The following DMGDH variants were observed in gnomAD, a reference collection of about 807,000 sequenced individuals.
DMGDH encodes dimethylglycine dehydrogenase.
In DMGDH, 76 loss-of-function variants were observed where a neutral mutation model predicts 95.2. The observed-to-expected ratio is 0.80, with a 90% CI of 0.66 to 0.97. The LOEUF (loss-of-function observed/expected upper bound fraction) is 0.97. DMGDH is among the 50% of genes least tolerant of loss of function. The pLI, the probability that DMGDH is intolerant of heterozygous loss-of-function variation, is 0.00. For synonymous variants in DMGDH, 345 were observed against 377.6 expected (o/e 0.91, Z 1.00); for missense variants, 987 against 1,055.0 (o/e 0.94, Z 0.89).
intron 6 of DMGDH, among the ~76,000 whole-genome samples, 138 bp downstream of exon 6, chr5:79,044,150 GAACAGAGCTCACCTCA>G: frequency 2.0e-5 from 3 of 152,324 alleles, no homozygotes; most frequent in Admixed American, 2.0e-4. Flanking sequence ...AGGGATACGA[GAACAGAGCTCACCTCA>G]AACCTGTCAC....
intron 4 of DMGDH, among the ~76,000 whole-genome samples, chr5:79,053,962 C>T (rs2086895575): frequency 6.6e-6 from 1 of 152,092 alleles, no homozygotes. Flanking sequence ...AATCAATTGT[C>T]AAAGGTGAAA....
Position 79,024,338 on chromosome 5 carries a change from G to T in DMGDH, c.2191-8C>A. ...ATTTGTATCACAGTTCATCTAAAAA[G>T]GAAACACACATTTTAAATCTTAGAT... is the stretch of plus-strand genomic sequence containing the variant. On this transcript the variant is annotated splice_polypyrimidine_tract_variant and splice_region_variant and intron_variant, in intron 13 of 15. Transcript: ENST00000255189. 6.2e-7 allele frequency: 1 copy of T among 1,612,742 alleles called. No individual in the cohort carries two copies. The highest frequency in any genetic ancestry group is 8.5e-7 in the Non-Finnish European group (1 of 1,178,982).
rs370377258 is a variant in DMGDH at position 79,038,068 on chromosome 5, A to T, written c.1193+4215T>A. On this transcript the variant is annotated intron_variant, in intron 7 of 15. Transcript: ENST00000255189. ...CTGGCTTCTTTGCATAAATTGACAA[A>T]CTAGTCCTAAAATTTATGGGACTTC... 3.9e-5 allele frequency among the ~76,000 whole-genome samples: 6 copies of T among 152,178 alleles called. No homozygotes were observed. The East Asian group carries it at 1.2e-3, about 29-fold the overall frequency.
chr5:79,020,644 T>C (rs1364129230), intron 14 of DMGDH: 2 of 964,864 alleles, frequency 2.1e-6, no homozygotes, highest in Non-Finnish European at 2.5e-6. Flanking sequence ...CTGCATTTTC[T>C]AGAATCAACA....
At chr5:79,056,998 G>A (rs1043546054) in intron 2 of DMGDH, among the ~76,000 whole-genome samples, 2 of 152,158 alleles carry the variant, frequency 1.3e-5, no homozygotes, top group African/African-American at 4.8e-5. Flanking sequence ...CTCTTAAATG[G>A]AGCAGCCCTC....
chr5:79,011,118 A>G (rs1753641941), intron 14 of DMGDH, among the ~76,000 whole-genome samples: 1 of 152,184 alleles, frequency 6.6e-6, no homozygotes, highest in East Asian at 1.9e-4. Flanking sequence ...GGAAACTTAT[A>G]ATAAAGCCAT....
rs757072578 is a variant in DMGDH, at chr5:79,032,870, A to G, written c.1364-30T>C. 3 of 1,613,130 alleles carry G rather than the reference A, an allele frequency of 1.9e-6. No homozygotes were observed. The East Asian group carries it at 6.7e-5, about 36-fold the overall frequency. On this transcript the variant is annotated intron_variant, in intron 8 of 15. Transcript: ENST00000255189. ...AAAGGAAAAATTGGTACTTTAAATC[A>G]CATATAGCCAAAACAACAAGATACT...
At chr5:79,032,619 G>A (rs1754211007) in intron 9 of DMGDH, 68 bp downstream of exon 9, 3 of 1,600,266 alleles carry the variant, frequency 1.9e-6, no homozygotes, top group Non-Finnish European at 2.6e-6. Flanking sequence ...GGCAGAATCA[G>A]CGCTTTTTGC....
chr5:79,032,416 G>A (rs1580202757), intron 9 of DMGDH, among the ~76,000 whole-genome samples: 1 of 152,208 alleles, frequency 6.6e-6, no homozygotes, highest in Admixed American at 6.5e-5. Context: ...GAGGGCGGTC[G>A]CAAGTTTCTT....
At chr5:79,003,083 G>A (rs1464681149) in intron 15 of DMGDH, among the ~76,000 whole-genome samples, 1 of 152,144 alleles carries the variant, frequency 6.6e-6, no homozygotes, top group African/African-American at 2.4e-5. Flanking sequence ...TGGATGACGT[G>A]GGAATACAGA....
In DMGDH at chr5:79,054,169, C is replaced by G; in HGVS notation, c.540+15G>C. ...TTAAGTCAACAAATGGTAAAAATGC[C>G]CTTAAGATAAATACCTTATTCATGT... On this transcript the variant is annotated intron_variant, in intron 4 of 15. Transcript: ENST00000255189. The G allele has an allele frequency of 6.2e-7, 1 of 1,612,720 alleles. No homozygotes were observed. The highest frequency in any genetic ancestry group is 1.1e-5 in the South Asian group (1 of 90,888).
At chr5:79,049,982 C>T (rs1754789054) in intron 5 of DMGDH, among the ~76,000 whole-genome samples, 1 of 151,936 alleles carries the variant, frequency 6.6e-6, no homozygotes, top group Non-Finnish European at 1.5e-5. Flanking sequence ...ATCGGCTGGA[C>T]GCAGTGGCGC....
intron 7 of DMGDH, among the ~76,000 whole-genome samples, chr5:79,034,706 T>C (rs972958184): frequency 3.3e-5 from 5 of 152,184 alleles, no homozygotes; most frequent in African/African-American, 1.2e-4. Flanking sequence ...TTAACTAACT[T>C]TTCCCACAAC....
chr5:79,044,603 C>T, intron 5 of DMGDH, 51 bp from the exon 6 acceptor site: 1 of 1,599,480 alleles, frequency 6.3e-7, no homozygotes, highest in African/African-American at 1.3e-5. Flanking sequence ...AAACACATAA[C>T]TGACACTCAT....
intron 1 of DMGDH, among the ~76,000 whole-genome samples, chr5:79,064,606 T>C (rs895414625): frequency 6.6e-6 from 1 of 152,088 alleles, no homozygotes; most frequent in Non-Finnish European, 1.5e-5. Context: ...TTCATTATTT[T>C]ATAAACTTTT....
intron 6 of DMGDH, 24 bp downstream of exon 6, chr5:79,044,280 C>T (rs1271321490): frequency 6.2e-7 from 1 of 1,614,098 alleles, no homozygotes; most frequent in Non-Finnish European, 8.5e-7. Flanking sequence ...CTGACTAGCA[C>T]ACACTTTCAT....
rs1010846809 is a variant in DMGDH at position 79,030,158 on chromosome 5, C to G, written c.1684-124G>C. On this transcript the variant is annotated intron_variant, in intron 10 of 15. Coordinates refer to ENST00000255189, the MANE Select transcript of DMGDH (RefSeq NM_013391.3). The stretch of plus-strand genomic sequence containing the variant: ...AGTATCTGAATCTTACTGTTTGTGT[C>G]AATCGTATGAATTATCTGTAAACCT... 2.2e-5 allele frequency: 18 copies of G among 810,620 alleles called. No individual in the cohort carries two copies. The African/African-American group carries it at 2.9e-4, about 13-fold the overall frequency. The allele number at this position is 810,620 out of a possible 1,614,324, so 50.2% of individuals were successfully genotyped here.
At chr5:79,025,771 C>T (rs1008998451) in intron 13 of DMGDH, among the ~76,000 whole-genome samples, 1 of 152,098 alleles carries the variant, frequency 6.6e-6, no homozygotes, top group African/African-American at 2.4e-5. Flanking sequence ...TGACTGGGTC[C>T]AGGGATAGCC....
intron 12 of DMGDH, among the ~76,000 whole-genome samples, chr5:79,027,119 G>A (rs1754023992): frequency 6.6e-6 from 1 of 152,118 alleles, no homozygotes; most frequent in South Asian, 2.1e-4. Context: ...AGAGCTGTGG[G>A]CAAAAATCAA....
Sources: allele counts gnomAD v4.1 joint callset (sites outside exome capture counted in the v4.1 genomes callset), GRCh38; gene constraint gnomAD v4.1.1; transcripts MANE v1.5; gene names NCBI Gene and HGNC (gene_info 2026-07-23, HGNC 2026-07-21).